The following SLC66A2 variants were observed in gnomAD, a reference collection of about 807,000 sequenced individuals.
The protein encoded by SLC66A2 is PQ loop repeat containing 1.
Under a neutral mutation model 25.5 loss-of-function variants are expected in SLC66A2, and 23 were observed. The observed-to-expected ratio is 0.90, with a 90% CI of 0.65 to 1.28. SLC66A2 has a LOEUF of 1.28. SLC66A2 is among the 50% of genes most tolerant of loss of function. The pLI, the probability that SLC66A2 is intolerant of heterozygous loss-of-function variation, is 0.00. For missense variants in SLC66A2, 396 were observed against 373.1 expected, an observed-to-expected ratio of 1.06 and a Z score of -0.51; for synonymous variants, 193 against 166.5, an observed-to-expected ratio of 1.16 and a Z score of -1.23.
rs533694535 is a variant in SLC66A2 at position 79,911,466 on chromosome 18, G to A, written c.609-7283C>T. ...GGGGCCGGCAGGACGTGCAGCTGAAGCCTGATCCCAGGACCACCTGTCCCT... is the reference window on the plus strand; with the variant it reads ...GGGGCCGGCAGGACGTGCAGCTGAAACCTGATCCCAGGACCACCTGTCCCT... On this transcript the variant is annotated intron_variant, in intron 5 of 5. Coordinates refer to ENST00000397778, the MANE Select transcript of SLC66A2 (RefSeq NM_025078.5). 3.0e-3 allele frequency among the ~76,000 whole-genome samples: 451 copies of A among 152,380 alleles called. 3 individuals are homozygous for A. Among genetic ancestry groups the A allele is most frequent in the Non-Finnish European group, 4.6e-3 (313 of 68,034 alleles).
At chr18:79,934,621 T>C (rs1373859085) in intron 3 of SLC66A2, among the ~76,000 whole-genome samples, 12 of 152,328 alleles carry the variant, frequency 7.9e-5, no homozygotes, top group Non-Finnish European at 1.6e-4. Flanking sequence ...TGACAGGTTA[T>C]AAGTCAACCT....
intron 5 of SLC66A2, among the ~76,000 whole-genome samples, chr18:79,908,464 G>A (rs555377450): frequency 6.6e-5 from 10 of 152,122 alleles, no homozygotes; most frequent in South Asian, 2.1e-4. Flanking sequence ...AACTGCTTTC[G>A]ACATTTTTTA....
chr18:79,903,971 C>G lies in SLC66A2; in HGVS notation c.*5G>C, dbSNP rs1300176938. 6.3e-7 allele frequency: 1 copy of G among 1,594,488 alleles called. No individual in the cohort carries two copies. The highest frequency in any genetic ancestry group is 1.8e-5 in the Admixed American group (1 of 56,666). ...GGCGGTCCCACATCCTCGTCCTCCC[C>G]ACTGTCAGAGGGCCTTGGTGCCAGT... On this transcript the variant is annotated 3_prime_UTR_variant, in exon 6 of 6. Coordinates refer to ENST00000397778, the MANE Select transcript of SLC66A2 (RefSeq NM_025078.5).
chr18:79,930,230 G>GT (rs1986427086), intron 4 of SLC66A2: 2 of 151,932 alleles, frequency 1.3e-5, no homozygotes, highest in Admixed American at 6.6e-5. Flanking sequence ...TCACTTACAA[G>GT]GAAACCCCAA....
chr18:79,943,501 A>T, intron 2 of SLC66A2, 39 bp from the exon 3 acceptor site: 1 of 1,600,420 alleles, frequency 6.2e-7, no homozygotes, highest in East Asian at 2.2e-5. Context: ...AGGTCCACCC[A>T]TGCCACTTCT....
At position 79,919,170 on chromosome 18, in the gene SLC66A2, C is replaced by A. The variant is rs2144776049; in HGVS notation, c.608+14G>T. 2 of 1,610,498 alleles carry A rather than the reference C, an allele frequency of 1.2e-6. No individual in the cohort carries two copies. Among genetic ancestry groups the A allele is most frequent in the Middle Eastern group, 1.7e-4 (1 of 5,994 alleles). On this transcript the variant is annotated intron_variant, in intron 5 of 5. Transcript: ENST00000397778. ...TGGAGCAGTGGTGCTTCCGTGGCGG[C>A]ATCCCCGGCCTACCTCATGCCCTCC... is the stretch of plus-strand genomic sequence containing the variant.
At chr18:79,909,808 A>AT (rs1982732207) in intron 5 of SLC66A2, among the ~76,000 whole-genome samples, 2 of 22,022 alleles carry the variant, frequency 9.1e-5, no homozygotes, top group Non-Finnish European at 8.5e-5. Flanking sequence ...ACCATCTCAC[A>AT]AGAGTCCCCA....
Position 79,919,104 on chromosome 18 carries a change from G to A in SLC66A2, c.608+80C>T, listed in dbSNP as rs1000199129. The stretch of plus-strand genomic sequence containing the variant: ...TGGGAAATACACAGCCAGACACACA[G>A]GCGTTTGATTTTTACCAAATCTGCA... On this transcript the variant is annotated intron_variant, in intron 5 of 5. Transcript: ENST00000397778. 7.0e-5 allele frequency: 88 copies of A among 1,251,964 alleles called. 1 individual carries two copies. Among genetic ancestry groups the A allele is most frequent in the South Asian group, 1.9e-4 (15 of 78,534 alleles). The allele number at this position is 1,251,964 out of a possible 1,614,324, so 77.6% of individuals were successfully genotyped here. A position where few individuals can be genotyped will look rare whatever the true frequency, so the allele number is the denominator to read the frequency against.
chr18:79,917,555 G>C lies in SLC66A2; in HGVS notation c.608+1629C>G, dbSNP rs1024381566. Among the ~76,000 whole-genome samples the C allele has an allele frequency of 1.2e-4, 19 of 152,042 alleles. No homozygotes were observed. Among genetic ancestry groups the C allele is most frequent in the African/African-American group, 4.6e-4 (19 of 41,398 alleles). On this transcript the variant is annotated intron_variant, in intron 5 of 5. Coordinates refer to ENST00000397778, the MANE Select transcript of SLC66A2 (RefSeq NM_025078.5). This position sits in a 1 kb window ranked among gnomAD's most constrained non-coding sequence, Gnocchi z 6.0. Reference sequence around the variant, plus strand: ...CTCCAGCTGTGGGGTGGCTGGGGACGCCACACTCCGCCGGACAAGGCCCAC... The same window carrying C: ...CTCCAGCTGTGGGGTGGCTGGGGACCCCACACTCCGCCGGACAAGGCCCAC...
chr18:79,907,679 T>C (rs1213007306), intron 5 of SLC66A2, among the ~76,000 whole-genome samples: 2 of 152,084 alleles, frequency 1.3e-5, no homozygotes, highest in African/African-American at 4.8e-5. Context: ...CTCTAGGGCA[T>C]TGGTTCCCAA....
intron 4 of SLC66A2, among the ~76,000 whole-genome samples, chr18:79,929,621 TGGACTC>T (rs1986360471): frequency 6.6e-6 from 1 of 152,194 alleles, no homozygotes; most frequent in Non-Finnish European, 1.5e-5. Context: ...GCACAGGTGT[TGGACTC>T]AGTAGAAGAA....
rs1462712471 is a variant in SLC66A2 at position 79,917,044 on chromosome 18, G to A, written c.608+2140C>T. 6.6e-6 allele frequency among the ~76,000 whole-genome samples: 1 copy of A among 152,254 alleles called. No homozygotes were observed. Among genetic ancestry groups the A allele is most frequent in the Non-Finnish European group, 1.5e-5 (1 of 68,034 alleles). ...CATGGAAGTGTGTGTGCTGCTTGTG[G>A]TGAAGTGAGTGAGAACAGGAAAAGC... On this transcript the variant is annotated intron_variant, in intron 5 of 5. Transcript: ENST00000397778. This position sits in a 1 kb window ranked among gnomAD's most constrained non-coding sequence, Gnocchi z 6.0.
rs543092617 is a variant in SLC66A2, at chr18:79,918,373, C to T, written c.608+811G>A. ...ACGTGTGGGGGCTCAGGGTGTTCTCCGTGAGGAGCGGGCACCGGGGGGCGG... is the reference window on the plus strand; with the variant it reads ...ACGTGTGGGGGCTCAGGGTGTTCTCTGTGAGGAGCGGGCACCGGGGGGCGG... On this transcript the variant is annotated intron_variant, in intron 5 of 5. Transcript: ENST00000397778. The surrounding 1 kb of genome is among the most constrained non-coding windows in gnomAD (Gnocchi z 4.0). Among the ~76,000 whole-genome samples, 7 of 143,412 alleles carry T rather than the reference C, an allele frequency of 4.9e-5. No homozygotes were observed. The highest frequency in any genetic ancestry group is 2.3e-4 in the South Asian group (1 of 4,368). 94.1% of individuals were successfully genotyped at this position (143,412 alleles called of 152,430 possible).
In SLC66A2 at chr18:79,918,330, G is replaced by A. The variant is rs73971202; in HGVS notation, c.608+854C>T. ...AAATCACAGCCTCAGCATCTGTATT[G>A]GAGACCAGACTCAAGCAACGTGTGG... On this transcript the variant is annotated intron_variant, in intron 5 of 5. Transcript: ENST00000397778. This position sits in a 1 kb window ranked among gnomAD's most constrained non-coding sequence, Gnocchi z 4.0. Among the ~76,000 whole-genome samples, 1,513 of 152,090 alleles carry A rather than the reference G, an allele frequency of 9.9e-3. 13 individuals carry two copies. Among genetic ancestry groups the A allele is most frequent in the African/African-American group, 0.032 (1,311 of 41,512 alleles).
intron 2 of SLC66A2, 118 bp from the exon 3 acceptor site, chr18:79,943,580 G>T: frequency 8.2e-7 from 1 of 1,223,532 alleles, no homozygotes; most frequent in Non-Finnish European, 1.1e-6. Context: ...GCCCCTCCCA[G>T]TCCTGAACCT....
At chr18:79,928,974 G>C (rs1411094524) in intron 4 of SLC66A2, among the ~76,000 whole-genome samples, 2 of 152,206 alleles carry the variant, frequency 1.3e-5, no homozygotes, top group Admixed American at 1.3e-4. Context: ...CAGAGGACCA[G>C]AGGTTCTGTC....
intron 2 of SLC66A2, chr18:79,949,559 G>A (rs1437255026): frequency 6.6e-6 from 1 of 152,290 alleles, no homozygotes; most frequent in Non-Finnish European, 1.5e-5. Flanking sequence ...AGCTACTCAG[G>A]AGGCTGAGGC....
intron 2 of SLC66A2, among the ~76,000 whole-genome samples, chr18:79,947,953 G>A (rs566858714): frequency 1.2e-4 from 19 of 152,094 alleles, no homozygotes; most frequent in African/African-American, 1.9e-4. Context: ...GCTTCGCTGT[G>A]TGGAGTGCAG....
intron 3 of SLC66A2, among the ~76,000 whole-genome samples, chr18:79,938,056 G>A (rs935141038): frequency 3.3e-5 from 5 of 151,682 alleles, no homozygotes; most frequent in Non-Finnish European, 5.9e-5. Context: ...TGGGAGGATC[G>A]CTTGGCTTGA....
Sources: allele counts gnomAD v4.1 joint callset (sites outside exome capture counted in the v4.1 genomes callset), GRCh38; gene constraint gnomAD v4.1.1; non-coding constraint Gnocchi (gnomAD v3.1); transcripts MANE v1.5; gene names NCBI Gene and HGNC (gene_info 2026-07-23, HGNC 2026-07-21).